TUT4: variants seen among roughly 807,000 people sequenced by gnomAD.
The protein encoded by TUT4 is terminal uridylyl transferase 4, also known as terminal uridylyltransferase 4.
In TUT4, 36 loss-of-function variants were observed where a neutral mutation model predicts 192.2. The ratio of observed to expected loss-of-function variants is 0.19; its 90% CI spans 0.14 to 0.25. The LOEUF (loss-of-function observed/expected upper bound fraction) is 0.25. Ranked by LOEUF, TUT4 falls within the 10% of genes least tolerant of loss-of-function variation. The pLI, the probability that TUT4 is intolerant of heterozygous loss-of-function variation, is 1.00. For missense variants in TUT4, 1,493 were observed against 1,957.2 expected, an observed-to-expected ratio of 0.76 and a Z score of 4.47; for synonymous variants, 618 against 666.0, an observed-to-expected ratio of 0.93 and a Z score of 1.11.
chr1:52,424,782 A>G (rs1236296872), intron 29 of TUT4: 1 of 152,270 alleles, frequency 6.6e-6, no homozygotes, highest in Non-Finnish European at 1.5e-5. Flanking sequence ...TCGTTCCACT[A>G]AAAACCTTTA....
chr1:52,429,636 G>A (rs905128328), intron 28 of TUT4, among the ~76,000 whole-genome samples: 3 of 150,940 alleles, frequency 2.0e-5, no homozygotes, highest in Non-Finnish European at 4.4e-5. Context: ...CTGTTGCCCA[G>A]GCTGGAATGC....
Position 52,436,977 on chromosome 1 carries a change from T to C in TUT4, c.3940A>G (p.Ser1314Gly). The change falls in exon 26 of 30, where the codon AGT becomes GGT. Residue 1314 changes from serine (S) to glycine (G), a missense_variant and splice_region_variant. Transcript: ENST00000257177. ...YMKDCPKRKS[S>G]LLFRLKKKDS... is the part of the protein sequence containing the mutation. ...TTCTTCTTTAGTCTAAACAGTAAACTGCTGATACCAATAATGTGGGGCTAG... is the reference window on the plus strand; with the variant it reads ...TTCTTCTTTAGTCTAAACAGTAAACCGCTGATACCAATAATGTGGGGCTAG... The C allele has an allele frequency of 6.2e-7, 1 of 1,613,398 alleles. No individual in the cohort carries two copies. The highest frequency in any genetic ancestry group is 8.5e-7 in the Non-Finnish European group (1 of 1,179,834).
chr1:52,473,295 G>C (rs540718033), intron 13 of TUT4, among the ~76,000 whole-genome samples: 173 of 152,002 alleles, frequency 1.1e-3, no homozygotes, highest in African/African-American at 4.1e-3. Context: ...TTGGTCAAAG[G>C]GTACAAAGTT....
intron 1 of TUT4, among the ~76,000 whole-genome samples, chr1:52,542,943 C>A (rs1036665208): frequency 1.3e-5 from 2 of 151,976 alleles, no homozygotes; most frequent in African/African-American, 4.8e-5. Context: ...TTAGTAGAGA[C>A]AGCGTTTCTC....
chr1:52,540,853 G>A (rs1402736078), intron 1 of TUT4, among the ~76,000 whole-genome samples: 1 of 152,128 alleles, frequency 6.6e-6, no homozygotes, highest in African/African-American at 2.4e-5. Context: ...GTCTTTGTGT[G>A]TTATATCTAT....
At chr1:52,429,236 A>T (rs1485754674) in intron 28 of TUT4, among the ~76,000 whole-genome samples, 1 of 151,206 alleles carries the variant, frequency 6.6e-6, no homozygotes, top group Non-Finnish European at 1.5e-5. Context: ...GGCGCCCACC[A>T]CCACGCTCAG....
intron 1 of TUT4, chr1:52,538,420 T>C (rs986023835): frequency 1.3e-5 from 2 of 151,872 alleles, no homozygotes; most frequent in African/African-American, 4.8e-5. Context: ...CACAGCACTT[T>C]TGGAGGACAA....
rs835030 is a variant in TUT4 at position 52,428,225 on chromosome 1, C to T, written c.4712-2718G>A. 3.0e-3 allele frequency among the ~76,000 whole-genome samples: 451 copies of T among 152,324 alleles called. 3 individuals carry two copies. Among genetic ancestry groups the T allele is most frequent in the African/African-American group, 0.011 (440 of 41,566 alleles). On this transcript the variant is annotated intron_variant, in intron 28 of 29. Coordinates refer to ENST00000257177, the MANE Select transcript of TUT4 (RefSeq NM_001009881.3). ...TTTTTAGGCTGGGCACAGTGGCTCA[C>T]GCCTGTAAATCCAGCACTTTGGGAG... is the stretch of plus-strand genomic sequence containing the variant.
At chr1:52,508,585 AG>A (rs1676265508) in intron 4 of TUT4, among the ~76,000 whole-genome samples, 1 of 152,214 alleles carries the variant, frequency 6.6e-6, no homozygotes, top group Non-Finnish European at 1.5e-5. Context: ...ATTGAAGTCT[AG>A]AAGGGAAGAG....
chr1:52,444,927 A>G (rs376559476), intron 24 of TUT4, among the ~76,000 whole-genome samples: 12 of 114,390 alleles, frequency 1.0e-4, no homozygotes, highest in African/African-American at 2.3e-4. Flanking sequence ...ATGTATGTGT[A>G]TATATATGTA....
At chr1:52,467,240 G>C (rs1664485334) in intron 15 of TUT4, among the ~76,000 whole-genome samples, 1 of 152,132 alleles carries the variant, frequency 6.6e-6, no homozygotes, top group African/African-American at 2.4e-5. Flanking sequence ...GGGTCATCTT[G>C]TAAAAGTACA....
chr1:52,525,473 A>G (rs1681506591), intron 2 of TUT4, 90 bp downstream of exon 2: 1 of 1,475,442 alleles, frequency 6.8e-7, no homozygotes, highest in Non-Finnish European at 9.0e-7. Context: ...ACAATTATGT[A>G]TAAACATGAC....
chr1:52,492,945 C>T lies in TUT4; in HGVS notation c.1318+666G>A, dbSNP rs140192753. On this transcript the variant is annotated intron_variant, in intron 7 of 29. Coordinates refer to ENST00000257177, the MANE Select transcript of TUT4 (RefSeq NM_001009881.3). ...GCATGCATACATTTTTATTCCAAGT[C>T]TCTCCTTAATCTTCTTTCAGTAATG... 2.5e-3 allele frequency among the ~76,000 whole-genome samples: 385 copies of T among 152,286 alleles called. 2 individuals carry two copies. Among genetic ancestry groups the T allele is most frequent in the African/African-American group, 9.0e-3 (376 of 41,548 alleles).
At chr1:52,424,680 G>A (rs1026766593) in intron 29 of TUT4, 1 of 152,176 alleles carries the variant, frequency 6.6e-6, no homozygotes, top group Non-Finnish European at 1.5e-5. Flanking sequence ...CCCAGTCAAA[G>A]CCATTATTAG....
chr1:52,521,789 C>A (rs1483179478), intron 2 of TUT4, among the ~76,000 whole-genome samples: 1 of 152,106 alleles, frequency 6.6e-6, no homozygotes, highest in Admixed American at 6.6e-5. Context: ...CATGGTGTAA[C>A]CCCATTTCTA....
intron 1 of TUT4, among the ~76,000 whole-genome samples, chr1:52,527,150 C>A (rs1225944815): frequency 6.6e-6 from 1 of 152,190 alleles, no homozygotes; most frequent in Non-Finnish European, 1.5e-5. Flanking sequence ...TCTAGCCTAC[C>A]TCGAACTTAC....
intron 15 of TUT4, among the ~76,000 whole-genome samples, chr1:52,466,506 C>T (rs575943153): frequency 3.0e-4 from 45 of 151,058 alleles, no homozygotes; most frequent in African/African-American, 9.3e-4. Flanking sequence ...GGTGTGGTGG[C>T]GCGCACCTGT....
chr1:52,508,098 C>T (rs1676113880), intron 4 of TUT4, among the ~76,000 whole-genome samples: 1 of 152,098 alleles, frequency 6.6e-6, no homozygotes, highest in Non-Finnish European at 1.5e-5. Flanking sequence ...CAGACCTTAG[C>T]CACTGCACCC....
chr1:52,424,068 ATTAAC>A, intron 29 of TUT4, 66 bp from the exon 30 acceptor site: 1 of 1,489,034 alleles, frequency 6.7e-7, no homozygotes, highest in Non-Finnish European at 9.1e-7. Context: ...ACACCTTAGA[ATTAAC>A]TTGTAGTTAG....
Sources: gnomAD v4.1 joint callset for allele counts (sites outside exome capture counted in the v4.1 genomes callset) on GRCh38, gnomAD v4.1.1 for gene constraint, MANE v1.5 for transcripts, NCBI Gene and HGNC (gene_info 2026-07-23, HGNC 2026-07-21) for gene names.